RBFOX1: variants seen among roughly 807,000 people sequenced by gnomAD.
The protein encoded by RBFOX1 is RNA binding fox-1 homolog 1.
In RBFOX1, 8 loss-of-function variants were observed where a neutral mutation model predicts 57.7. The observed-to-expected ratio is 0.14, with a 90% CI of 0.08 to 0.25. The LOEUF is 0.25. RBFOX1 is among the 10% of genes least tolerant of loss of function. The pLI is 1.00. For missense variants in RBFOX1, 611 were observed against 548.5 expected, an observed-to-expected ratio of 1.11 and a Z score of -1.14; for synonymous variants, 326 against 222.4, an observed-to-expected ratio of 1.47 and a Z score of -4.15.
Position 5,303,875 on chromosome 16 carries a change from G to T in RBFOX1, c.219+63770G>T, listed in dbSNP as rs529286487. The stretch of plus-strand genomic sequence containing the variant: ...AGCTAGGCTCAGCATCTAAATAAGG[G>T]AGGAGGCCCACACCCTGCATATCAG... On this transcript the variant is annotated intron_variant, in intron 1 of 2. Transcript: ENST00000585867. 2.0e-5 allele frequency among the ~76,000 whole-genome samples: 3 copies of T among 152,210 alleles called. No homozygotes were observed. In the East Asian group the frequency reaches 5.8e-4, roughly 29 times the overall value.
chr16:7,648,181 C>T (rs1306427181), intron 11 of RBFOX1, among the ~76,000 whole-genome samples: 1 of 152,104 alleles, frequency 6.6e-6, no homozygotes, highest in Non-Finnish European at 1.5e-5. Flanking sequence ...GCGAAGAAGC[C>T]ATGTTGTCCC....
chr16:6,467,275 C>A (rs578127248), intron 2 of RBFOX1, among the ~76,000 whole-genome samples: 7 of 151,426 alleles, frequency 4.6e-5, no homozygotes, highest in African/African-American at 1.4e-4. Context: ...CTTACTTAAT[C>A]CATATTTAAT....
intron 3 of RBFOX1, among the ~76,000 whole-genome samples, chr16:5,692,337 A>G (rs1181172384): frequency 6.6e-6 from 1 of 152,166 alleles, no homozygotes; most frequent in Non-Finnish European, 1.5e-5. Context: ...GGCAGCCTCT[A>G]GGAGATGAGA....
intron 4 of RBFOX1, among the ~76,000 whole-genome samples, chr16:7,272,328 G>C (rs958163037): frequency 6.6e-6 from 1 of 151,110 alleles, no homozygotes; most frequent in Non-Finnish European, 1.5e-5. Flanking sequence ...GGGATTACAG[G>C]CGCCCACCAC....
At chr16:7,002,293 C>T (rs964359036) in intron 3 of RBFOX1, among the ~76,000 whole-genome samples, 1 of 152,144 alleles carries the variant, frequency 6.6e-6, no homozygotes, top group Admixed American at 6.5e-5. Flanking sequence ...AGCATGTGAG[C>T]CAGTGCATTT....
At chr16:7,018,813 G>A (rs931050880) in intron 3 of RBFOX1, among the ~76,000 whole-genome samples, 25 of 150,968 alleles carry the variant, frequency 1.7e-4, no homozygotes, top group South Asian at 4.2e-4. Flanking sequence ...GAAATACAAC[G>A]TCTACAGATT....
At chr16:5,602,204 G>A (rs1429781016), downstream of RBFOX1, among the ~76,000 whole-genome samples, 1 of 152,244 alleles carries the variant, frequency 6.6e-6, no homozygotes, top group Non-Finnish European at 1.5e-5. Flanking sequence ...GGCAGCATAT[G>A]TTGGCCTGAC....
At chr16:5,698,959 C>G (rs1046148397) in intron 3 of RBFOX1, among the ~76,000 whole-genome samples, 1 of 147,684 alleles carries the variant, frequency 6.8e-6, no homozygotes, top group African/African-American at 2.5e-5. Flanking sequence ...TTAGATATCT[C>G]TCTTATAAAC....
At chr16:5,510,710 TGGTACCTAGTAAAACTCA>T (rs1156453681) in intron 2 of RBFOX1, among the ~76,000 whole-genome samples, 1 of 152,144 alleles carries the variant, frequency 6.6e-6, no homozygotes, top group African/African-American at 2.4e-5. Context: ...GAACCAAGCT[TGGTACCTAGTAAAACTCA>T]GGTGTATCAG....
At chr16:6,639,382 C>T (rs1045294367) in intron 2 of RBFOX1, among the ~76,000 whole-genome samples, 3 of 152,140 alleles carry the variant, frequency 2.0e-5, no homozygotes, top group Non-Finnish European at 4.4e-5. Flanking sequence ...GACTATCTAT[C>T]AGCTTCCCTT....
At chr16:5,999,894 AAAAAAAAAAAAAAGAG>A (rs2060562390) in intron 4 of RBFOX1, among the ~76,000 whole-genome samples, 3 of 81,140 alleles carry the variant, frequency 3.7e-5, no homozygotes, top group Non-Finnish European at 5.6e-5. Context: ...AAAAAAAAAA[AAAAAAAAAAAAAAGAG>A]TGAAGAAGGG....
intron 4 of RBFOX1, among the ~76,000 whole-genome samples, chr16:7,134,104 A>G (rs1422191953): frequency 6.6e-6 from 1 of 152,192 alleles, no homozygotes; most frequent in Non-Finnish European, 1.5e-5. Context: ...GCTGTATAAA[A>G]TTGACTGCCC....
chr16:5,921,999 CAAAAA>C (rs1438052316), intron 4 of RBFOX1, among the ~76,000 whole-genome samples: 1 of 149,486 alleles, frequency 6.7e-6, no homozygotes, highest in Non-Finnish European at 1.5e-5. Context: ...AAAAAAAAAA[CAAAAA>C]AGAAAAATTC....
intron 4 of RBFOX1, among the ~76,000 whole-genome samples, chr16:7,162,327 A>G (rs1290369132): frequency 1.3e-5 from 2 of 152,170 alleles, no homozygotes; most frequent in East Asian, 3.8e-4. Context: ...GTATGTATAT[A>G]TCTATTTGGC....
chr16:6,355,707 C>T (rs2087182574), intron 2 of RBFOX1, among the ~76,000 whole-genome samples: 1 of 152,130 alleles, frequency 6.6e-6, no homozygotes, highest in Non-Finnish European at 1.5e-5. Context: ...GAGGAATCAC[C>T]ACACTGTCTT....
At chr16:6,000,629 A>G (rs2060581595) in intron 4 of RBFOX1, among the ~76,000 whole-genome samples, 2 of 152,014 alleles carry the variant, frequency 1.3e-5, no homozygotes, top group Non-Finnish European at 2.9e-5. Context: ...TGTTGAATGG[A>G]TGGATAGGTG....
At chr16:7,633,622 T>TAAG (rs2061325799) in intron 11 of RBFOX1, among the ~76,000 whole-genome samples, 1 of 152,198 alleles carries the variant, frequency 6.6e-6, no homozygotes, top group Admixed American at 6.5e-5. Context: ...TTTCTTACAT[T>TAAG]AAGAATCTTC....
intron 5 of RBFOX1, among the ~76,000 whole-genome samples, chr16:7,535,555 C>T (rs531424071): frequency 1.3e-5 from 2 of 152,334 alleles, no homozygotes; most frequent in African/African-American, 4.8e-5. Context: ...GAAGTCTTTT[C>T]CACTGACTTT....
chr16:7,114,999 G>A (rs1208129287), intron 4 of RBFOX1, among the ~76,000 whole-genome samples: 2 of 152,122 alleles, frequency 1.3e-5, no homozygotes, highest in African/African-American at 2.4e-5. Flanking sequence ...TAGGGTAAGC[G>A]TATTTACTCT....
Sources: allele counts gnomAD v4.1 joint callset (sites outside exome capture counted in the v4.1 genomes callset), GRCh38; gene constraint gnomAD v4.1.1; transcripts MANE v1.5; gene names NCBI Gene and HGNC (gene_info 2026-07-23, HGNC 2026-07-21).